TRMT44: variants seen among roughly 807,000 people sequenced by gnomAD.
TRMT44 encodes tRNA methyltransferase 44 homolog, also known as probable tRNA (uracil-O(2)-)-methyltransferase.
A neutral mutation model predicts 77.3 loss-of-function variants in TRMT44; 78 were observed. The observed-to-expected ratio is 1.01, with a 90% CI of 0.84 to 1.22. The LOEUF (loss-of-function observed/expected upper bound fraction) is 1.22. Ranked by LOEUF, TRMT44 falls within the 50% of genes most tolerant of loss-of-function variation. The pLI is 0.00. For synonymous variants in TRMT44, 391 were observed against 383.3 expected (o/e 1.02, Z -0.23); for missense variants, 1,090 against 964.4 (o/e 1.13, Z -1.73).
At chr4:8,464,268 C>G (rs1726371575) in intron 7 of TRMT44, among the ~76,000 whole-genome samples, 177 bp downstream of exon 7, 1 of 152,154 alleles carries the variant, frequency 6.6e-6, no homozygotes, top group African/African-American at 2.4e-5. Flanking sequence ...AAAATAAATT[C>G]CACCTGTTTT....
intron 5 of TRMT44, 95 bp downstream of exon 5, chr4:8,453,084 C>A: frequency 1.4e-6 from 1 of 696,158 alleles, no homozygotes; most frequent in Non-Finnish European, 2.2e-6. Context: ...GCTGATACAG[C>A]CTGGATTTGG....
intron 2 of TRMT44, among the ~76,000 whole-genome samples, chr4:8,483,478 G>C (rs1727699226): frequency 6.6e-6 from 1 of 152,114 alleles, no homozygotes. Context: ...CTAATAAAAA[G>C]GAGCGTCTAT....
chr4:8,480,585 T>A (rs1038111931), downstream of TRMT44, among the ~76,000 whole-genome samples: 2 of 152,188 alleles, frequency 1.3e-5, no homozygotes, highest in Non-Finnish European at 2.9e-5. Flanking sequence ...TTCCTGAGAT[T>A]TTATTGGAAG....
At position 8,446,170 on chromosome 4, in the gene TRMT44, G is replaced by A. The variant is rs1725043583; in HGVS notation, c.620-306G>A. Reference sequence around the variant, plus strand: ...CACTCAGTTAGGGCAGAGGTCCCCTGTTTTCTCTGATTGTAGCTCTCAAGT... The same window carrying A: ...CACTCAGTTAGGGCAGAGGTCCCCTATTTTCTCTGATTGTAGCTCTCAAGT... On this transcript the variant is annotated intron_variant, in intron 1 of 10. Coordinates refer to ENST00000389737, the MANE Select transcript of TRMT44 (RefSeq NM_152544.3). The surrounding 1 kb of genome is among the most constrained non-coding windows in gnomAD (Gnocchi z 4.3). Among the ~76,000 whole-genome samples, 1 of 152,162 alleles carries A rather than the reference G, an allele frequency of 6.6e-6. No individual in the cohort carries two copies. The highest frequency in any genetic ancestry group is 6.5e-5 in the Admixed American group (1 of 15,274).
chr4:8,493,800 T>G (rs760209288), downstream of TRMT44, among the ~76,000 whole-genome samples: 3 of 151,946 alleles, frequency 2.0e-5, no homozygotes, highest in Non-Finnish European at 4.4e-5. Flanking sequence ...TCCTTGCTCA[T>G]CAGGGCCACA....
In TRMT44 at chr4:8,446,044, A is replaced by C. The variant is rs1725033982; in HGVS notation, c.620-432A>C. ...CACACAACATAAAGCGGTTGTTAGGAAGGCCTGGACTGATATCCGCTTTCC... is the reference window on the plus strand; with the variant it reads ...CACACAACATAAAGCGGTTGTTAGGCAGGCCTGGACTGATATCCGCTTTCC... On this transcript the variant is annotated intron_variant, in intron 1 of 10. Transcript: ENST00000389737. This position sits in a 1 kb window ranked among gnomAD's most constrained non-coding sequence, Gnocchi z 4.3. Among the ~76,000 whole-genome samples, 1 of 152,212 alleles carries C rather than the reference A, an allele frequency of 6.6e-6. No homozygotes were observed. Among genetic ancestry groups the C allele is most frequent in the Non-Finnish European group, 1.5e-5 (1 of 68,042 alleles).
rs997001219 is a variant in TRMT44, at chr4:8,451,062, G to A, written c.955-898G>A. Reference sequence around the variant, plus strand: ...GGATTACAGGCTTGAGCCACTGCCCGGCTTCCATGTATTTTTTTAATCAGT... The same window carrying A: ...GGATTACAGGCTTGAGCCACTGCCCAGCTTCCATGTATTTTTTTAATCAGT... On this transcript the variant is annotated intron_variant, in intron 3 of 10. Coordinates refer to ENST00000389737, the MANE Select transcript of TRMT44 (RefSeq NM_152544.3). This position sits in a 1 kb window ranked among gnomAD's most constrained non-coding sequence, Gnocchi z 4.1. 4.6e-5 allele frequency among the ~76,000 whole-genome samples: 7 copies of A among 151,924 alleles called. No homozygotes were observed. The highest frequency in any genetic ancestry group is 1.7e-4 in the African/African-American group (7 of 41,358).
rs551200293 is a variant in TRMT44 at position 8,488,928 on chromosome 4, A to G, written n.3892-4338A>G. On this transcript the variant is annotated intron_variant and non_coding_transcript_variant, in intron 2 of 2. Coordinates refer to the TRMT44 transcript ENST00000511366. ...CTGCGACGAAGGGAGGAAAATCACC[A>G]GTAAGAGGAGGATGTGTGGGAGCAG... Among the ~76,000 whole-genome samples, 48 of 152,366 alleles carry G rather than the reference A, an allele frequency of 3.2e-4. No homozygotes were observed. In the East Asian group the frequency reaches 8.3e-3, roughly 26 times the overall value.
chr4:8,449,955 T>TTTC (rs1560222078), intron 3 of TRMT44, 67 bp downstream of exon 3: 291 of 686,998 alleles, frequency 4.2e-4, no homozygotes, highest in South Asian at 1.6e-3. Context: ...TTTTCTTTTT[T>TTTC]TTTTTTTTTT....
At chr4:8,453,535 C>G (rs536070985) in intron 5 of TRMT44, 1 of 152,654 alleles carries the variant, frequency 6.6e-6, no homozygotes. Flanking sequence ...CATGTATACA[C>G]AGACAACAGT....
intron 9 of TRMT44, 46 bp from the exon 10 acceptor site, chr4:8,471,038 T>C (rs1206342636): frequency 7.4e-7 from 1 of 1,348,532 alleles, no homozygotes; most frequent in Admixed American, 2.0e-5. Context: ...AGGTTCGTAA[T>C]ATTTTGCTGT....
intron 2 of TRMT44, among the ~76,000 whole-genome samples, chr4:8,486,394 CT>C (rs1258494342): frequency 6.6e-6 from 1 of 152,106 alleles, no homozygotes; most frequent in Non-Finnish European, 1.5e-5. Context: ...TTGGCTGCCT[CT>C]ATTATTGTAC....
At chr4:8,475,311 C>T (rs2109196415) in intron 10 of TRMT44, among the ~76,000 whole-genome samples, 1 of 152,318 alleles carries the variant, frequency 6.6e-6, no homozygotes, top group African/African-American at 2.4e-5. Context: ...CTCCTTCCTC[C>T]ACTCAAGTGA....
At chr4:8,471,034 G>T in intron 9 of TRMT44, 50 bp from the exon 10 acceptor site, 1 of 1,306,102 alleles carries the variant, frequency 7.7e-7, no homozygotes, top group Non-Finnish European at 1.1e-6. Flanking sequence ...TGACAGGTTC[G>T]TAATATTTTG....
chr4:8,471,391 C>A (rs1726986668), intron 10 of TRMT44, among the ~76,000 whole-genome samples, 191 bp downstream of exon 10: 1 of 152,194 alleles, frequency 6.6e-6, no homozygotes, highest in African/African-American at 2.4e-5. Flanking sequence ...CACCCCGTTC[C>A]CTCCTTGCTC....
downstream of TRMT44, among the ~76,000 whole-genome samples, chr4:8,496,971 C>T (rs967081634): frequency 1.2e-4 from 18 of 152,012 alleles, no homozygotes; most frequent in African/African-American, 4.3e-4. Context: ...ATAAATACTG[C>T]GTTTCTTCAC....
At chr4:8,515,744 A>G in the TRMT44 span, among the ~76,000 whole-genome samples, 1 of 152,180 alleles carries the variant, frequency 6.6e-6, no homozygotes, top group Non-Finnish European at 1.5e-5. Context: ...AGGCACTGAC[A>G]CAGTTCACTC....
chr4:8,449,041 T>C (rs1579040515), intron 2 of TRMT44, among the ~76,000 whole-genome samples: 1 of 152,226 alleles, frequency 6.6e-6, no homozygotes, highest in Non-Finnish European at 1.5e-5. Context: ...TTTGTATCTG[T>C]CCCGCCAGTC....
Position 8,476,362 on chromosome 4 carries a change from A to C in TRMT44, c.*361A>C, listed in dbSNP as rs928223562. The C allele has an allele frequency of 3.4e-6, 1 of 292,542 alleles. No homozygotes were observed. 18.1% of individuals were successfully genotyped at this position (292,542 alleles called of 1,614,324 possible). ...GGCGCTGTCCGACGCCTGCCCCACC[A>C]TGTCCACATCTGTGAAGAGGATGGG... On this transcript the variant is annotated 3_prime_UTR_variant, in exon 11 of 11. Coordinates refer to ENST00000389737, the MANE Select transcript of TRMT44 (RefSeq NM_152544.3).
Sources: gnomAD v4.1 joint callset for allele counts (sites outside exome capture counted in the v4.1 genomes callset) on GRCh38, gnomAD v4.1.1 for gene constraint, Gnocchi (gnomAD v3.1) non-coding constraint, MANE v1.5 for transcripts, NCBI Gene and HGNC (gene_info 2026-07-23, HGNC 2026-07-21) for gene names.